Variants in NCOA2 observed in about 807,000 individuals in gnomAD.
NCOA2 encodes class E basic helix-loop-helix protein 75.
Under a neutral mutation model 145.1 loss-of-function variants are expected in NCOA2, and 21 were observed. The ratio of observed to expected loss-of-function variants is 0.14; its 90% CI spans 0.10 to 0.21. The LOEUF is 0.21. Ranked by LOEUF, NCOA2 falls within the 10% of genes least tolerant of loss-of-function variation. NCOA2 has a pLI of 1.00. For missense variants in NCOA2, 1,472 were observed against 1,837.6 expected (o/e 0.80, Z 3.64); for synonymous variants, 619 against 637.5 (o/e 0.97, Z 0.44).
In NCOA2 at chr8:70,157,484, T is replaced by C. The variant is rs114198669; in HGVS notation, c.1125-244A>G. Among the ~76,000 whole-genome samples, 896 of 152,302 alleles carry C rather than the reference T, an allele frequency of 5.9e-3. 5 individuals carry two copies. The highest frequency in any genetic ancestry group is 0.02 in the African/African-American group (834 of 41,550). ...TCTGGTTTTACAGAGGGGGTGTGTT[T>C]AAATTTGACTACTACTGTATTTAAA... On this transcript the variant is annotated intron_variant, in intron 10 of 22. Transcript: ENST00000452400.
At chr8:70,454,507 C>T in the NCOA2 span, among the ~76,000 whole-genome samples, 1 of 152,188 alleles carries the variant, frequency 6.6e-6, no homozygotes, top group African/African-American at 2.4e-5. Flanking sequence ...TGTTTTATCT[C>T]AAAGGTAGTA....
At position 70,271,374 on chromosome 8, in the gene NCOA2, G is replaced by A. The variant is rs148194840; in HGVS notation, c.-20+25370C>T. Among the ~76,000 whole-genome samples the A allele has an allele frequency of 4.5e-3, 679 of 152,298 alleles. 1 individual carries two copies. Among genetic ancestry groups the A allele is most frequent in the Middle Eastern group, 6.8e-3 (2 of 294 alleles). On this transcript the variant is annotated intron_variant, in intron 2 of 22. Transcript: ENST00000452400. ...TGTAGCTATAAAGGGTACCCTGACTGTAAATTTAAACTGCTATGTTTATGT... is the reference window on the plus strand; with the variant it reads ...TGTAGCTATAAAGGGTACCCTGACTATAAATTTAAACTGCTATGTTTATGT...
At chr8:70,414,936 T>C in the NCOA2 span, among the ~76,000 whole-genome samples, 5 of 148,068 alleles carry the variant, frequency 3.4e-5, no homozygotes, top group South Asian at 2.1e-4. Context: ...CACAAAATGA[T>C]AAAAAAAAAA....
chr8:70,311,654 A>T (rs1026652540), intron 1 of NCOA2, among the ~76,000 whole-genome samples: 2 of 152,184 alleles, frequency 1.3e-5, no homozygotes, highest in Admixed American at 1.3e-4. Context: ...TCTCTTCTAG[A>T]CTGGTCTAGA....
intron 1 of NCOA2, among the ~76,000 whole-genome samples, chr8:70,303,572 T>C (rs1827660422): frequency 6.6e-6 from 1 of 152,208 alleles, no homozygotes; most frequent in Non-Finnish European, 1.5e-5. Context: ...AGAATTTGGA[T>C]ACGGCATGTA....
chr8:70,273,696 G>T (rs1190969115), intron 2 of NCOA2: 4 of 643,436 alleles, frequency 6.2e-6, no homozygotes, highest in Non-Finnish European at 1.2e-5. Flanking sequence ...GGTGCAGGCA[G>T]TCTGACTAGT....
chr8:70,438,869 T>C, the NCOA2 span, among the ~76,000 whole-genome samples: 25 of 152,334 alleles, frequency 1.6e-4, no homozygotes, highest in East Asian at 4.6e-3. Context: ...AATGTAGTCA[T>C]TGGGATGTTT....
At chr8:70,414,280 C>T in the NCOA2 span, among the ~76,000 whole-genome samples, 1 of 152,170 alleles carries the variant, frequency 6.6e-6, no homozygotes, top group African/African-American at 2.4e-5. Flanking sequence ...CTCTTTCTGC[C>T]TCTGCCTGCC....
the NCOA2 span, among the ~76,000 whole-genome samples, chr8:70,436,641 A>G: frequency 4.4e-4 from 67 of 152,378 alleles, no homozygotes; most frequent in Non-Finnish European, 8.2e-4. Flanking sequence ...AAAGGCTTTA[A>G]CCAGCAGTTT....
intron 1 of NCOA2, among the ~76,000 whole-genome samples, chr8:70,353,668 T>C (rs566063272): frequency 1.3e-5 from 2 of 152,108 alleles, no homozygotes; most frequent in Non-Finnish European, 1.5e-5. Context: ...CTTTCCACTA[T>C]GTGACACATT....
At chr8:70,417,400 T>A in the NCOA2 span, among the ~76,000 whole-genome samples, 1 of 151,444 alleles carries the variant, frequency 6.6e-6, no homozygotes, top group Non-Finnish European at 1.5e-5. Flanking sequence ...AATACAAAAA[T>A]TTGTCAGGCA....
chr8:70,249,977 A>AAAAAAAAAAAAG (rs751876043), intron 2 of NCOA2, among the ~76,000 whole-genome samples: 7 of 137,910 alleles, frequency 5.1e-5, no homozygotes, highest in Admixed American at 7.6e-5. Context: ...AAAAAAAAAA[A>AAAAAAAAAAAAG]AAGAAGAAGA....
intron 2 of NCOA2, among the ~76,000 whole-genome samples, chr8:70,262,748 T>C (rs762371635): frequency 2.0e-5 from 3 of 152,122 alleles, no homozygotes; most frequent in Non-Finnish European, 2.9e-5. Flanking sequence ...CTTGATGCAA[T>C]AGAGATTGTA....
chr8:70,443,979 A>G, the NCOA2 span, among the ~76,000 whole-genome samples: 9 of 152,236 alleles, frequency 5.9e-5, no homozygotes, highest in African/African-American at 2.2e-4. Context: ...GTGCTTGCAC[A>G]CACACACACG....
chr8:70,304,093 A>G (rs1827696533), intron 1 of NCOA2, among the ~76,000 whole-genome samples: 1 of 152,098 alleles, frequency 6.6e-6, no homozygotes, highest in African/African-American at 2.4e-5. Context: ...TTCCTTTTAT[A>G]TCCCTTGGGT....
intron 11 of NCOA2, among the ~76,000 whole-genome samples, chr8:70,150,460 T>C (rs116771622): frequency 0.01 from 1,591 of 152,196 alleles, 42 homozygotes; most frequent in African/African-American, 0.036. Flanking sequence ...AAAAAGCCCA[T>C]AGGTACATGT....
At chr8:70,253,299 T>C (rs1823355976) in intron 2 of NCOA2, among the ~76,000 whole-genome samples, 1 of 152,208 alleles carries the variant, frequency 6.6e-6, no homozygotes, top group South Asian at 2.1e-4. Context: ...TAGCTCTAAG[T>C]TAATTTCATC....
Position 70,174,688 on chromosome 8 carries a change from A to T in NCOA2, c.363+68T>A, listed in dbSNP as rs1563569331. 6 of 1,394,982 alleles carry T rather than the reference A, an allele frequency of 4.3e-6. No individual in the cohort carries two copies. In the East Asian group the frequency reaches 1.4e-4, roughly 32 times the overall value. 86.4% of individuals were successfully genotyped at this position (1,394,982 alleles called of 1,614,324 possible). Reference sequence around the variant, plus strand: ...ATTCTCCTTAAATTATATTCACCTGAAATTAAATGTAATAATGTGAAGATC... The same window carrying T: ...ATTCTCCTTAAATTATATTCACCTGTAATTAAATGTAATAATGTGAAGATC... On this transcript the variant is annotated intron_variant, in intron 5 of 22. Coordinates refer to ENST00000452400, the MANE Select transcript of NCOA2 (RefSeq NM_006540.4).
At position 70,346,649 on chromosome 8, in the gene NCOA2, A is replaced by G. The variant is rs546384485; in HGVS notation, c.-76-49849T>C. 2.0e-5 allele frequency among the ~76,000 whole-genome samples: 3 copies of G among 152,330 alleles called. No individual in the cohort carries two copies. The South Asian group carries it at 6.2e-4, about 32-fold the overall frequency. ...CTGAGTGTACATTATTCGCCAATGC[A>G]TTGCTGGTTCTCAGCCTAGTGCCTA... On this transcript the variant is annotated intron_variant, in intron 1 of 22. Coordinates refer to ENST00000452400, the MANE Select transcript of NCOA2 (RefSeq NM_006540.4).
Sources: allele counts gnomAD v4.1 joint callset (sites outside exome capture counted in the v4.1 genomes callset), GRCh38; gene constraint gnomAD v4.1.1; transcripts MANE v1.5; gene names NCBI Gene and HGNC (gene_info 2026-07-23, HGNC 2026-07-21).